FLT1: variants seen among roughly 807,000 people sequenced by gnomAD.
The protein encoded by FLT1 is fms related receptor tyrosine kinase 1, also known as vascular endothelial growth factor receptor 1.
Under a neutral mutation model 156.3 loss-of-function variants are expected in FLT1, and 49 were observed. That is an observed-to-expected ratio of 0.31 (90% confidence interval 0.25 to 0.40). The LOEUF is 0.40. Among genes scored for constraint, FLT1 ranks in the 10% least tolerant of loss-of-function variants. The probability of loss-of-function intolerance (pLI) is 1.00; values close to 1 mark genes in which losing one functional copy is unlikely to be tolerated. For synonymous variants in FLT1, 594 were observed against 583.8 expected (o/e 1.02, Z -0.25); for missense variants, 1,322 against 1,637.2 (o/e 0.81, Z 3.32).
intron 25 of FLT1, among the ~76,000 whole-genome samples, chr13:28,313,332 G>T (rs1871080254): frequency 6.6e-6 from 1 of 152,174 alleles, no homozygotes; most frequent in South Asian, 2.1e-4. Flanking sequence ...GGTCATGTCT[G>T]CACGGAATCG....
At chr13:28,440,310 A>G (rs899490060) in intron 3 of FLT1, among the ~76,000 whole-genome samples, 7 of 152,186 alleles carry the variant, frequency 4.6e-5, no homozygotes, top group African/African-American at 1.2e-4. Flanking sequence ...CCTTTTACAG[A>G]TGAGAAAAGA....
chr13:28,391,358 C>A (rs1239781543), intron 12 of FLT1, among the ~76,000 whole-genome samples: 2 of 152,202 alleles, frequency 1.3e-5, no homozygotes, highest in African/African-American at 4.8e-5. Context: ...GCCTCCCATT[C>A]TCTTCAAAGT....
rs117050455 is a variant in FLT1 at position 28,391,540 on chromosome 13, A to G, written c.1661-1436T>C. Among the ~76,000 whole-genome samples, 9 of 152,384 alleles carry G rather than the reference A, an allele frequency of 5.9e-5. No homozygotes were observed. The East Asian group carries it at 1.3e-3, about 23-fold the overall frequency. ...GGCGGAACCAGTGTACATCTTACATATATTGATTGATGTCTCATGTCTCCT... is the reference window on the plus strand; with the variant it reads ...GGCGGAACCAGTGTACATCTTACATGTATTGATTGATGTCTCATGTCTCCT... On this transcript the variant is annotated intron_variant, in intron 12 of 29. Transcript: ENST00000282397.
At chr13:28,472,446 A>C (rs1880230337) in intron 1 of FLT1, among the ~76,000 whole-genome samples, 1 of 152,184 alleles carries the variant, frequency 6.6e-6, no homozygotes, top group African/African-American at 2.4e-5. Context: ...AAAACTCAAG[A>C]CTCTCAATGT....
In FLT1 at chr13:28,345,491, G is replaced by C. The variant is rs1428124503; in HGVS notation, c.2309C>G (p.Thr770Ser). The C allele has an allele frequency of 6.8e-6, 11 of 1,613,422 alleles. No individual in the cohort carries two copies. The highest frequency in any genetic ancestry group is 1.7e-4 in the Middle Eastern group (1 of 6,058). The change falls in exon 16 of 30, where the codon ACT (threonine) becomes AGT (serine). Residue 770 changes from threonine to serine, a missense_variant. Physicochemically the swap from Thr to Ser is moderately conservative, Grantham distance 58 (BLOSUM62 1). Around this residue, in one of 3 missense-constraint regions of FLT1, gnomAD observed 991 missense variants for 1,254.8 expected, o/e 0.79. Coordinates refer to ENST00000282397, the MANE Select transcript of FLT1 (RefSeq NM_002019.4). ...GAGGGTTAATAGGAGCCAGAAGAGA[G>C]TCGCAGCCACACAGGTGCATGTTAG... ...ITLTCTCVAA[T>S]LFWLLLTLFI...
chr13:28,389,702 T>C (rs1384807399), intron 13 of FLT1, 94 bp downstream of exon 13: 2 of 1,599,780 alleles, frequency 1.3e-6, no homozygotes, highest in African/African-American at 2.7e-5. Flanking sequence ...ATGAGTCCTT[T>C]AATGTTTTAC....
intron 15 of FLT1, among the ~76,000 whole-genome samples, chr13:28,348,868 C>T (rs550771529): frequency 4.6e-5 from 7 of 151,326 alleles, no homozygotes; most frequent in Admixed American, 1.3e-4. Flanking sequence ...GAGATGGTGC[C>T]ACTGCGCCAC....
Position 28,322,334 on chromosome 13 carries a change from G to A in FLT1, c.2979C>T (p.Pro993=). ...AAGAAATCAGATCTTCCATAGTGAT[G>A]GGCTCCTTGTAGAAACCGTCAGAAT... is the stretch of plus-strand genomic sequence containing the variant. ...EEDSDGFYKE[P]ITMEDLISYS... is the part of the protein sequence containing the mutation. Residue 993 remains proline, a synonymous_variant, in exon 22 of 30, where the codon CCC becomes CCT. Coordinates refer to ENST00000282397, the MANE Select transcript of FLT1 (RefSeq NM_002019.4). The surrounding 1 kb of genome is among the most constrained non-coding windows in gnomAD (Gnocchi z 4.3). 1.9e-6 allele frequency: 3 copies of A among 1,612,550 alleles called. No individual in the cohort carries two copies. The highest frequency in any genetic ancestry group is 2.5e-6 in the Non-Finnish European group (3 of 1,178,572).
chr13:28,416,071 C>A (rs1307861163), intron 10 of FLT1, among the ~76,000 whole-genome samples: 1 of 152,224 alleles, frequency 6.6e-6, no homozygotes, highest in Non-Finnish European at 1.5e-5. Flanking sequence ...TCGCAATGTA[C>A]CAGCCACTGT....
Position 28,384,984 on chromosome 13 carries a change from C to T in FLT1, c.2017G>A (p.Ala673Thr), listed in dbSNP as rs137937570. The T allele has an allele frequency of 1.9e-6, 3 of 1,614,000 alleles. No homozygotes were observed. The highest frequency in any genetic ancestry group is 1.7e-4 in the Middle Eastern group (1 of 6,060). ...TCTAAAGTGGTGGAACTGCTGATGG[C>T]CACTGTGTGATCACTGAGGTTTCGC... ...LLRNLSDHTV[A>T]ISSSTTLDCH... The change falls in exon 14 of 30, where the codon GCC (alanine) becomes ACC (threonine). Residue 673 changes from alanine (A) to threonine (T), a missense_variant. By Grantham distance (58) the Ala-to-Thr change is moderately conservative. Transcript: ENST00000282397.
chr13:28,303,492 A>ACG (rs1870601958), intron 29 of FLT1, 124 bp from the exon 30 acceptor site: 2 of 645,338 alleles, frequency 3.1e-6, no homozygotes, highest in Non-Finnish European at 2.7e-6. Flanking sequence ...TGGTTTTGGA[A>ACG]CCCCCCCCCC....
intron 3 of FLT1, among the ~76,000 whole-genome samples, chr13:28,459,852 C>A (rs1879465995): frequency 6.6e-6 from 1 of 152,222 alleles, no homozygotes; most frequent in Non-Finnish European, 1.5e-5. Context: ...TGCTCTCTGC[C>A]CAACACAGTG....
At chr13:28,364,671 T>C (rs1472309870) in intron 14 of FLT1, among the ~76,000 whole-genome samples, 1 of 152,212 alleles carries the variant, frequency 6.6e-6, no homozygotes. Flanking sequence ...CATCATTTAT[T>C]GAATAAGATC....
At chr13:28,469,237 TA>T (rs1880017763) in intron 1 of FLT1, among the ~76,000 whole-genome samples, 1 of 152,158 alleles carries the variant, frequency 6.6e-6, no homozygotes, top group South Asian at 2.1e-4. Context: ...TAGTTTTCTT[TA>T]AAAAATCAGT....
chr13:28,356,744 T>C (rs1193323888), intron 15 of FLT1, among the ~76,000 whole-genome samples: 4 of 152,212 alleles, frequency 2.6e-5, no homozygotes, highest in Admixed American at 2.0e-4. Context: ...CATTTGGAAA[T>C]AGGCTACTGA....
intron 1 of FLT1, among the ~76,000 whole-genome samples, chr13:28,492,316 A>G (rs1434247099): frequency 3.9e-5 from 6 of 152,236 alleles, no homozygotes; most frequent in Non-Finnish European, 8.8e-5. Flanking sequence ...GAGGGCAAAG[A>G]AAAAGGTCTG....
rs572719660 is a variant in FLT1, at chr13:28,315,255, T to C, written c.3386+2243A>G. 2.6e-5 allele frequency among the ~76,000 whole-genome samples: 4 copies of C among 152,322 alleles called. No individual in the cohort carries two copies. The South Asian group carries it at 8.3e-4, about 32-fold the overall frequency. On this transcript the variant is annotated intron_variant, in intron 25 of 29. Coordinates refer to ENST00000282397, the MANE Select transcript of FLT1 (RefSeq NM_002019.4). ...TAATCAGTACTATTCAATACTGTTA[T>C]AATAAAAACTAATTTCAGGCCAGGC...
intron 13 of FLT1, 42 bp from the exon 14 acceptor site, chr13:28,385,073 T>C: frequency 6.2e-7 from 1 of 1,600,976 alleles, no homozygotes; most frequent in Non-Finnish European, 8.6e-7. Context: ...TCGTCAACTT[T>C]ATTCTTGTAT....
At chr13:28,424,042 C>G (rs548492941) in intron 10 of FLT1, among the ~76,000 whole-genome samples, 9 of 152,128 alleles carry the variant, frequency 5.9e-5, no homozygotes, top group African/African-American at 2.2e-4. Context: ...CCTCCACCTC[C>G]CAGGTTCAAG....
Sources: allele counts gnomAD v4.1 joint callset (sites outside exome capture counted in the v4.1 genomes callset), GRCh38; gene constraint gnomAD v4.1.1; regional missense constraint gnomAD v4.1.1; non-coding constraint Gnocchi (gnomAD v3.1); transcripts MANE v1.5; gene names NCBI Gene and HGNC (gene_info 2026-07-23, HGNC 2026-07-21).